The following PPP1R13B variants were observed in gnomAD, a reference collection of about 807,000 sequenced individuals.
PPP1R13B encodes the protein protein phosphatase 1 regulatory subunit 13B.
In PPP1R13B, 44 loss-of-function variants were observed where a neutral mutation model predicts 119.8. The ratio of observed to expected loss-of-function variants is 0.37; its 90% CI spans 0.29 to 0.47. The LOEUF (loss-of-function observed/expected upper bound fraction) is 0.47, where lower values mean the gene tolerates loss of function less well. Among genes scored for constraint, PPP1R13B ranks in the 20% least tolerant of loss-of-function variants. PPP1R13B has a pLI of 0.99. For missense variants in PPP1R13B, 1,227 were observed against 1,413.5 expected (o/e 0.87, Z 2.12); for synonymous variants, 542 against 561.5 (o/e 0.97, Z 0.49).
At chr14:103,777,821 G>C (rs1019098067) in intron 4 of PPP1R13B, among the ~76,000 whole-genome samples, 1 of 150,396 alleles carries the variant, frequency 6.6e-6, no homozygotes, top group African/African-American at 2.5e-5. Context: ...AAAAAACAGG[G>C]TCTTACTCTG....
intron 1 of PPP1R13B, among the ~76,000 whole-genome samples, chr14:103,804,452 G>C (rs1217459802): frequency 6.6e-6 from 1 of 152,154 alleles, no homozygotes; most frequent in Non-Finnish European, 1.5e-5. Flanking sequence ...GCTGGGCATG[G>C]TGACTCAAGC....
chr14:103,778,373 T>C (rs2152015827), intron 4 of PPP1R13B, among the ~76,000 whole-genome samples: 1 of 150,078 alleles, frequency 6.7e-6, no homozygotes, highest in African/African-American at 2.5e-5. Context: ...GCAATTCTCC[T>C]GCCTCAGCCT....
At position 103,740,523 on chromosome 14, in the gene PPP1R13B, C is replaced by T; in HGVS notation, c.1893G>A (p.Leu631=). The change falls in exon 12 of 17, where the codon CTG becomes CTA. Residue 631 remains leucine (L), a synonymous_variant. Transcript: ENST00000202556. This position sits in a 1 kb window ranked among gnomAD's most constrained non-coding sequence, Gnocchi z 4.6. ...PSPLPFLHGS[L]STGTPQPQPP... is the part of the protein sequence containing the mutation. ...GCTGAGGCTGTGGTGTGCCCGTGGA[C>T]AGTGACCCGTGAAGAAACGGCAGCG... 1 of 1,588,738 alleles carries T rather than the reference C, an allele frequency of 6.3e-7. No homozygotes were observed.
chr14:103,839,665 T>C (rs555762091), intron 1 of PPP1R13B, among the ~76,000 whole-genome samples: 1 of 151,796 alleles, frequency 6.6e-6, no homozygotes, highest in Non-Finnish European at 1.5e-5. Flanking sequence ...CCTTTGTCAT[T>C]ACAATAGCCT....
At chr14:103,768,579 G>A (rs1384875322) in intron 4 of PPP1R13B, among the ~76,000 whole-genome samples, 1 of 152,086 alleles carries the variant, frequency 6.6e-6, no homozygotes, top group Non-Finnish European at 1.5e-5. Context: ...TTACAGGCGT[G>A]AGCCACTGCA....
rs759408988 is a variant in PPP1R13B, at chr14:103,746,376, A to G, written c.1147T>C (p.Ser383Pro). 1.3e-6 allele frequency: 2 copies of G among 1,574,816 alleles called. No individual in the cohort carries two copies. Among genetic ancestry groups the G allele is most frequent in the Non-Finnish European group, 8.6e-7 (1 of 1,156,668 alleles). ...GAAGAGGGCCAGGACCACTCACCGG[A>G]TTTGGATCTTCCATGAGCAGCATTT... ...ASNAAHGRSKSANDGNWPTLK... is the reference protein window; with the variant it reads ...ASNAAHGRSKPANDGNWPTLK... Residue 383 changes from serine to proline, a missense_variant, in exon 9 of 17, where the codon TCC becomes CCC. Physicochemically the swap from Ser to Pro is moderately conservative, Grantham distance 74. Transcript: ENST00000202556.
At chr14:103,794,794 G>A (rs761501256) in intron 2 of PPP1R13B, 3 of 279,316 alleles carry the variant, frequency 1.1e-5, no homozygotes, top group Non-Finnish European at 2.2e-5. Context: ...ATCCAGCTTC[G>A]TTGGCCATTT....
chr14:103,780,080 C>T (rs142599515), intron 3 of PPP1R13B, among the ~76,000 whole-genome samples: 2,924 of 151,782 alleles, frequency 0.019, 99 homozygotes, highest in African/African-American at 0.067. Flanking sequence ...ACCCGGGAGG[C>T]GGAGGTTGCA....
chr14:103,736,138 G>A lies in PPP1R13B; in HGVS notation c.3096C>T (p.Ala1032=), dbSNP rs778084860. The change falls in exon 16 of 17, where the codon GCC becomes GCT. Residue 1032 remains alanine (A), a synonymous_variant. Coordinates refer to ENST00000202556, the MANE Select transcript of PPP1R13B (RefSeq NM_015316.3). ...GGAAGGACAGCTCGTCACTGTTCTG[G>A]GCCTCGTAGTCCCACAGAGCATACG... ...GVAYALWDYE[A]QNSDELSFHE... The A allele has an allele frequency of 4.3e-6, 7 of 1,614,170 alleles. No individual in the cohort carries two copies. Among genetic ancestry groups the A allele is most frequent in the Middle Eastern group, 1.6e-4 (1 of 6,062 alleles).
intron 4 of PPP1R13B, among the ~76,000 whole-genome samples, chr14:103,768,230 C>G (rs1023170574): frequency 2.6e-5 from 4 of 151,910 alleles, no homozygotes; most frequent in Non-Finnish European, 5.9e-5. Context: ...ATTCTCCTGC[C>G]TCAGCCTCCC....
At chr14:103,739,537 G>A (rs1336363186) in intron 12 of PPP1R13B, among the ~76,000 whole-genome samples, 5 of 152,202 alleles carry the variant, frequency 3.3e-5, no homozygotes, top group Non-Finnish European at 5.9e-5. Flanking sequence ...AGGACCTTCA[G>A]GTGCCAGCGA....
intron 1 of PPP1R13B, among the ~76,000 whole-genome samples, chr14:103,809,725 G>A (rs1300793808): frequency 6.6e-6 from 1 of 151,952 alleles, no homozygotes; most frequent in Non-Finnish European, 1.5e-5. Context: ...GGGGGGCTGA[G>A]GCAGGGAGGA....
rs2084013400 is a variant in PPP1R13B at position 103,733,779 on chromosome 14, A to G, written c.*1375T>C. 1 of 152,344 alleles carries G rather than the reference A, an allele frequency of 6.6e-6. No homozygotes were observed. The highest frequency in any genetic ancestry group is 6.5e-5 in the Admixed American group (1 of 15,288). 9.4% of individuals were successfully genotyped at this position (152,344 alleles called of 1,614,324 possible). A position where few individuals can be genotyped will look rare whatever the true frequency, so the allele number is the denominator to read the frequency against. On this transcript the variant is annotated 3_prime_UTR_variant, in exon 17 of 17. Transcript: ENST00000202556. Reference sequence around the variant, plus strand: ...GGGGTGAGACGGGTTTATTGTGCACATTTACACAGCGTCAGCAGCGTCTGG... The same window carrying G: ...GGGGTGAGACGGGTTTATTGTGCACGTTTACACAGCGTCAGCAGCGTCTGG...
intron 3 of PPP1R13B, among the ~76,000 whole-genome samples, chr14:103,784,174 TCAAAA>T (rs1182726728): frequency 1.3e-5 from 2 of 151,736 alleles, no homozygotes; most frequent in Non-Finnish European, 1.5e-5. Flanking sequence ...AGACTCCATC[TCAAAA>T]CAAAACAAAA....
rs2084621952 is a variant in PPP1R13B, at chr14:103,754,263, A to C, written c.457-19T>G. On this transcript the variant is annotated intron_variant, in intron 5 of 16. Coordinates refer to ENST00000202556, the MANE Select transcript of PPP1R13B (RefSeq NM_015316.3). The stretch of plus-strand genomic sequence containing the variant: ...GCTGTTCCTAACAAAAGAAAGAAAA[A>C]TGTAACTTTGAAAATTGAAGGCTGG... 6.3e-7 allele frequency: 1 copy of C among 1,595,742 alleles called. No homozygotes were observed. The highest frequency in any genetic ancestry group is 1.4e-5 in the African/African-American group (1 of 73,582).
chr14:103,848,451 A>G (rs2087126054), upstream of PPP1R13B: 1 of 985,430 alleles, frequency 1.0e-6, no homozygotes, highest in Non-Finnish European at 1.2e-6. Flanking sequence ...AAAGGCTGCC[A>G]GGGGGGTAGG....
At position 103,740,293 on chromosome 14, in the gene PPP1R13B, C is replaced by T. The variant is rs760190356; in HGVS notation, c.2123G>A (p.Arg708His). Residue 708 changes from arginine to histidine, a missense_variant, in exon 12 of 17, where the codon CGC becomes CAC. By Grantham distance (29) the Arg-to-His change is conservative. Coordinates refer to ENST00000202556, the MANE Select transcript of PPP1R13B (RefSeq NM_015316.3). This position sits in a 1 kb window ranked among gnomAD's most constrained non-coding sequence, Gnocchi z 4.6. ...GCCCTCGGGCTCTGTGATGGAGCTG[C>T]GCTTTTTCAGGGGCCGGGGCGCGTT... Reference protein sequence around the residue: ...LANAPRPLKKRSSITEPEGPG... With the variant: ...LANAPRPLKKHSSITEPEGPG... 5 of 1,589,724 alleles carry T rather than the reference C, an allele frequency of 3.1e-6. No homozygotes were observed. Among genetic ancestry groups the T allele is most frequent in the Admixed American group, 3.5e-5 (2 of 56,700 alleles).
At chr14:103,756,737 G>T (rs993948630) in intron 5 of PPP1R13B, among the ~76,000 whole-genome samples, 2 of 151,830 alleles carry the variant, frequency 1.3e-5, no homozygotes, top group African/African-American at 4.8e-5. Context: ...GATAACAAAA[G>T]CACCCTTTCT....
chr14:103,809,912 T>C (rs1187637476), intron 1 of PPP1R13B, among the ~76,000 whole-genome samples: 2 of 151,048 alleles, frequency 1.3e-5, no homozygotes, highest in Non-Finnish European at 3.0e-5. Context: ...CTGCAACCTC[T>C]GCCTCCCGGG....
Sources: gnomAD v4.1 joint callset for allele counts (sites outside exome capture counted in the v4.1 genomes callset) on GRCh38, gnomAD v4.1.1 for gene constraint, Gnocchi (gnomAD v3.1) non-coding constraint, MANE v1.5 for transcripts, NCBI Gene and HGNC (gene_info 2026-07-23, HGNC 2026-07-21) for gene names.